Variants in UBXN11 observed in about 807,000 individuals in gnomAD.
The protein encoded by UBXN11 is UBX domain protein 11, also known as UBX domain-containing protein 11.
A neutral mutation model predicts 62.8 loss-of-function variants in UBXN11; 47 were observed. The ratio of observed to expected loss-of-function variants is 0.75; its 90% CI spans 0.59 to 0.95. The LOEUF is 0.95. Among genes scored for constraint, UBXN11 ranks in the 40% least tolerant of loss-of-function variants. The pLI, the probability that UBXN11 is intolerant of heterozygous loss-of-function variation, is 0.00. For synonymous variants in UBXN11, 294 were observed against 267.0 expected (o/e 1.10, Z -0.99); for missense variants, 638 against 661.7 (o/e 0.96, Z 0.39).
intron 1 of UBXN11, among the ~76,000 whole-genome samples, chr1:26,314,631 C>T (rs536792712): frequency 3.3e-5 from 5 of 152,098 alleles, no homozygotes; most frequent in Non-Finnish European, 7.4e-5. Flanking sequence ...GATGAATACA[C>T]GCACTCATTC....
At position 26,300,858 on chromosome 1, in the gene UBXN11, G is replaced by A. The variant is rs192215763; in HGVS notation, c.199+68C>T. On this transcript the variant is annotated intron_variant, in intron 4 of 14. Transcript: ENST00000374222. ...CGAGAGGAAGGGCCATGCCTCCCTA[G>A]GCCTTGCCCCGTCTCTGGGGCCCCC... is the stretch of plus-strand genomic sequence containing the variant. 8.5e-5 allele frequency: 137 copies of A among 1,611,564 alleles called. 1 individual carries two copies. The highest frequency in any genetic ancestry group is 3.5e-4 in the South Asian group (32 of 91,012).
At chr1:26,297,060 C>G in intron 6 of UBXN11, 65 bp from the exon 7 acceptor site, 1 of 1,528,560 alleles carries the variant, frequency 6.5e-7, no homozygotes, top group South Asian at 1.2e-5. Flanking sequence ...CACCTCTGCC[C>G]TGAGGGTCAT....
chr1:26,292,724 G>A (rs1434317292), intron 8 of UBXN11, among the ~76,000 whole-genome samples: 2 of 151,796 alleles, frequency 1.3e-5, no homozygotes, highest in African/African-American at 4.8e-5. Flanking sequence ...CATGGTGGTG[G>A]GCGCCTGTAA....
At chr1:26,288,397 G>A (rs2073180076) in intron 8 of UBXN11, among the ~76,000 whole-genome samples, 1 of 152,200 alleles carries the variant, frequency 6.6e-6, no homozygotes, top group East Asian at 1.9e-4. Context: ...GGTGGCCCAG[G>A]CAGATGCTGG....
chr1:26,315,433 C>T (rs2073782349), intron 1 of UBXN11, among the ~76,000 whole-genome samples: 1 of 152,186 alleles, frequency 6.6e-6, no homozygotes, highest in African/African-American at 2.4e-5. Flanking sequence ...TGGCACAGGA[C>T]ACCTCCCTGA....
In UBXN11 at chr1:26,302,868, C is replaced by T. The variant is rs1315553866; in HGVS notation, c.16G>A (p.Ala6Thr). The change falls in exon 2 of 15, where the codon GCC becomes ACC. Residue 6 changes from alanine to threonine, a missense_variant. Coordinates refer to ENST00000374222, the MANE Select transcript of UBXN11 (RefSeq NM_001389556.1). MSSPL[A>T]SLSKTRKVPL... is the part of the protein sequence containing the mutation. Reference sequence around the variant, plus strand: ...ACTTTTCGGGTCTTGCTAAGGGAGGCCAAAGGTGAGCTCATAGTTCTACTT... The same window carrying T: ...ACTTTTCGGGTCTTGCTAAGGGAGGTCAAAGGTGAGCTCATAGTTCTACTT... 2 of 1,613,684 alleles carry T rather than the reference C, an allele frequency of 1.2e-6. No homozygotes were observed. The highest frequency in any genetic ancestry group is 1.3e-5 in the African/African-American group (1 of 74,848).
At chr1:26,313,361 A>T (rs921429286) in intron 1 of UBXN11, among the ~76,000 whole-genome samples, 1 of 152,186 alleles carries the variant, frequency 6.6e-6, no homozygotes, top group Non-Finnish European at 1.5e-5. Context: ...GTCTCAGCAC[A>T]CACATTTCCT....
Position 26,304,519 on chromosome 1 carries a change from G to A in UBXN11, c.-35-1601C>T, listed in dbSNP as rs186818739. Among the ~76,000 whole-genome samples, 13 of 152,284 alleles carry A rather than the reference G, an allele frequency of 8.5e-5. No individual in the cohort carries two copies. The East Asian group carries it at 1.3e-3, about 16-fold the overall frequency. On this transcript the variant is annotated intron_variant, in intron 1 of 14. Transcript: ENST00000374222. Reference sequence around the variant, plus strand: ...TATAATCCCAACACTTTGGGAGGCCGAGGAGGGTGGATCACCTAAGGTCAG... The same window carrying A: ...TATAATCCCAACACTTTGGGAGGCCAAGGAGGGTGGATCACCTAAGGTCAG...
At chr1:26,315,959 C>CTTTTTT (rs1415230325) in intron 1 of UBXN11, among the ~76,000 whole-genome samples, 1 of 43,824 alleles carries the variant, frequency 2.3e-5, no homozygotes, top group Non-Finnish European at 4.6e-5. Context: ...TGTTTCCTGG[C>CTTTTTT]CTTTTTTTTT....
intron 6 of UBXN11, 152 bp from the exon 7 acceptor site, chr1:26,297,147 T>C: frequency 1.0e-6 from 1 of 976,502 alleles, no homozygotes; most frequent in Non-Finnish European, 1.5e-6. Context: ...TCTGACCCCG[T>C]GGCGGTGCCT....
At chr1:26,286,463 A>AT (rs1203971082) in intron 8 of UBXN11, among the ~76,000 whole-genome samples, 1 of 152,208 alleles carries the variant, frequency 6.6e-6, no homozygotes, top group Non-Finnish European at 1.5e-5. Flanking sequence ...CTGGGTTCAA[A>AT]TCCCAGTTCC....
At chr1:26,298,734 A>G (rs182617092) in intron 4 of UBXN11, among the ~76,000 whole-genome samples, 2,054 of 146,286 alleles carry the variant, frequency 0.014, 60 homozygotes, top group African/African-American at 0.05. Flanking sequence ...CCAAGATCGC[A>G]CCACTGCACT....
Position 26,282,933 on chromosome 1 carries a change from C to T in UBXN11, c.1082G>A (p.Cys361Tyr), listed in dbSNP as rs1557678511. The change falls in exon 13 of 15, where the codon TGC becomes TAC. Residue 361 changes from cysteine to tyrosine, a missense_variant. By Grantham distance (194) the Cys-to-Tyr change is radical. Coordinates refer to ENST00000374222, the MANE Select transcript of UBXN11 (RefSeq NM_001389556.1). ...RGPIRDTLQN[C>Y]CPLPARIQEI... ...CTGGATCCGGGCAGGCAATGGGCAG[C>T]AGTTCTGGAAGGTATCAGTGGAGGG... 1 of 1,614,158 alleles carries T rather than the reference C, an allele frequency of 6.2e-7. No individual in the cohort carries two copies. Among genetic ancestry groups the T allele is most frequent in the Non-Finnish European group, 8.5e-7 (1 of 1,180,026 alleles).
intron 9 of UBXN11, 119 bp from the exon 10 acceptor site, chr1:26,285,660 T>A: frequency 7.3e-7 from 1 of 1,365,348 alleles, no homozygotes; most frequent in East Asian, 2.5e-5. Flanking sequence ...TCTGGAAACA[T>A]TCAGAGTCCC....
At chr1:26,286,112 C>T in intron 8 of UBXN11, 75 bp from the exon 9 acceptor site, 1 of 1,391,968 alleles carries the variant, frequency 7.2e-7, no homozygotes, top group Non-Finnish European at 9.7e-7. Flanking sequence ...TCTGTGGCTC[C>T]CTCCCAAGCT....
exon 1 of UBXN11, chr1:26,318,151 C>A: frequency 8.6e-7 from 1 of 1,161,014 alleles, no homozygotes; most frequent in South Asian, 1.2e-5. Context: ...GATGTGAGCT[C>A]CCAGAGACCC....
intron 8 of UBXN11, among the ~76,000 whole-genome samples, chr1:26,293,645 G>C (rs1198251438): frequency 4.3e-5 from 6 of 138,412 alleles, no homozygotes; most frequent in Non-Finnish European, 6.1e-5. Flanking sequence ...AGAATTGCTT[G>C]AACCTGGGAG....
At position 26,295,369 on chromosome 1, in the gene UBXN11, C is replaced by T. The variant is rs553979077; in HGVS notation, c.433-1038G>A. Among the ~76,000 whole-genome samples, 5 of 152,154 alleles carry T rather than the reference C, an allele frequency of 3.3e-5. No homozygotes were observed. In the East Asian group the frequency reaches 7.7e-4, roughly 23 times the overall value. On this transcript the variant is annotated intron_variant, in intron 7 of 14. Transcript: ENST00000374222. ...ATCCAGGGGCGGCGCCTGCTTCCCC[C>T]GTCCTCTCCTCACCCACACCACCCA...
At chr1:26,301,874 GCCCCA>G in intron 2 of UBXN11, 152 bp from the exon 3 acceptor site, 1 of 1,043,794 alleles carries the variant, frequency 9.6e-7, no homozygotes. Flanking sequence ...CCAAATCCCA[GCCCCA>G]GCCTGGGGTG....
Sources: gnomAD v4.1 joint callset for allele counts (sites outside exome capture counted in the v4.1 genomes callset) on GRCh38, gnomAD v4.1.1 for gene constraint, MANE v1.5 for transcripts, NCBI Gene and HGNC (gene_info 2026-07-23, HGNC 2026-07-21) for gene names.